Variants in C1orf21 observed in about 807,000 individuals in gnomAD.
C1orf21 encodes uncharacterized protein C1orf21.
Under a neutral mutation model 18.7 loss-of-function variants are expected in C1orf21, and 3 were observed. The ratio of observed to expected loss-of-function variants is 0.16; its 90% confidence interval spans 0.07 to 0.42. The LOEUF is 0.42. C1orf21 is among the 10% of genes least tolerant of loss of function. The pLI, the probability that C1orf21 is intolerant of heterozygous loss-of-function variation, is 0.99. For synonymous variants in C1orf21, 41 were observed against 46.4 expected (o/e 0.88, Z 0.47); for missense variants, 104 against 143.6 (o/e 0.72, Z 1.41).
chr1:184,598,108 T>C (rs560242316), intron 4 of C1orf21, among the ~76,000 whole-genome samples: 1 of 152,252 alleles, frequency 6.6e-6, no homozygotes, highest in African/African-American at 2.4e-5. Flanking sequence ...CACAAATGTG[T>C]ATCTGAAGAA....
intron 3 of C1orf21, among the ~76,000 whole-genome samples, chr1:184,539,601 T>C (rs1658615097): frequency 6.6e-6 from 1 of 152,228 alleles, no homozygotes; most frequent in Non-Finnish European, 1.5e-5. Flanking sequence ...AACTCACCAG[T>C]GAAGCAATCA....
chr1:184,506,371 A>C (rs1340424997), intron 2 of C1orf21, among the ~76,000 whole-genome samples: 1 of 152,220 alleles, frequency 6.6e-6, no homozygotes, highest in East Asian at 1.9e-4. Context: ...TTAAGGGGTG[A>C]TATGATGAGG....
chr1:184,522,186 G>GA (rs1304120304), intron 3 of C1orf21, among the ~76,000 whole-genome samples: 22 of 151,890 alleles, frequency 1.4e-4, no homozygotes, highest in Admixed American at 1.4e-3. Flanking sequence ...TGGAAACATG[G>GA]AAAAATATTA....
At chr1:184,423,859 G>GTCCATCCATCCA (rs3033528) in intron 1 of C1orf21, among the ~76,000 whole-genome samples, 154 of 147,070 alleles carry the variant, frequency 1.0e-3, no homozygotes, top group African/African-American at 2.6e-3. Flanking sequence ...TCCACCCATC[G>GTCCATCCATCCA]TCCATCCATC....
At chr1:184,474,088 C>T (rs1657535040) in intron 1 of C1orf21, among the ~76,000 whole-genome samples, 1 of 152,162 alleles carries the variant, frequency 6.6e-6, no homozygotes, top group Admixed American at 6.5e-5. Flanking sequence ...TCTTTTGCCC[C>T]TCAAATGACT....
At chr1:184,479,615 T>C (rs1657623664) in intron 2 of C1orf21, among the ~76,000 whole-genome samples, 1 of 127,186 alleles carries the variant, frequency 7.9e-6, no homozygotes, top group Admixed American at 7.9e-5. Context: ...CCATAGGTCT[T>C]TTTTTTTTTT....
At chr1:184,580,083 T>G (rs1381421583) in intron 3 of C1orf21, among the ~76,000 whole-genome samples, 1 of 152,130 alleles carries the variant, frequency 6.6e-6, no homozygotes, top group Admixed American at 6.5e-5. Context: ...GGTGTTATCA[T>G]TCTTTGGCCC....
chr1:184,499,161 C>T (rs185718109), intron 2 of C1orf21, among the ~76,000 whole-genome samples: 3 of 152,220 alleles, frequency 2.0e-5, no homozygotes, highest in Non-Finnish European at 1.5e-5. Context: ...TCCTCCTCCT[C>T]CTCTTCCCCT....
intron 5 of C1orf21, among the ~76,000 whole-genome samples, chr1:184,607,167 T>C (rs941339811): frequency 2.0e-5 from 3 of 152,188 alleles, no homozygotes; most frequent in Non-Finnish European, 4.4e-5. Flanking sequence ...TACCAAAAAA[T>C]TGTAAGCTCA....
chr1:184,449,565 A>C (rs1239625852), intron 1 of C1orf21, among the ~76,000 whole-genome samples: 1 of 152,176 alleles, frequency 6.6e-6, no homozygotes, highest in Non-Finnish European at 1.5e-5. Context: ...GTATATACCC[A>C]GTAATGGGAT....
chr1:184,452,677 A>G (rs1016108579), intron 1 of C1orf21, among the ~76,000 whole-genome samples: 1 of 152,230 alleles, frequency 6.6e-6, no homozygotes, highest in African/African-American at 2.4e-5. Flanking sequence ...TTATAGATAA[A>G]TAATACAAAG....
At chr1:184,416,212 A>G (rs1473158184) in intron 1 of C1orf21, among the ~76,000 whole-genome samples, 1 of 152,148 alleles carries the variant, frequency 6.6e-6, no homozygotes, top group African/African-American at 2.4e-5. Flanking sequence ...TTCTAAAGCT[A>G]TTTTATTCTA....
chr1:184,392,843 T>C (rs1033552394), intron 1 of C1orf21, among the ~76,000 whole-genome samples: 1 of 93,272 alleles, frequency 1.1e-5, no homozygotes, highest in Non-Finnish European at 2.4e-5. Flanking sequence ...TTTTTTTTTT[T>C]CTTGAGACAG....
rs1657156122 is a variant in C1orf21 at position 184,453,691 on chromosome 1, C to T, written c.-124-23695C>T. Among the ~76,000 whole-genome samples, 5 of 152,104 alleles carry T rather than the reference C, an allele frequency of 3.3e-5. No homozygotes were observed. In the South Asian group the frequency reaches 1.0e-3, roughly 32 times the overall value. On this transcript the variant is annotated intron_variant, in intron 1 of 5. Coordinates refer to ENST00000235307, the MANE Select transcript of C1orf21 (RefSeq NM_030806.4). Reference sequence around the variant, plus strand: ...TTATTAGGTTATTTGTTTATAGCTGCTGTGTTTGACTTGTTCTTCAAGAAA... The same window carrying T: ...TTATTAGGTTATTTGTTTATAGCTGTTGTGTTTGACTTGTTCTTCAAGAAA...
chr1:184,388,300 G>T (rs1655918887), intron 1 of C1orf21, among the ~76,000 whole-genome samples: 1 of 152,162 alleles, frequency 6.6e-6, no homozygotes, highest in Non-Finnish European at 1.5e-5. Flanking sequence ...AGAGTTGCAT[G>T]GCCAAAGATA....
chr1:184,415,184 GGT>G (rs1328741880), intron 1 of C1orf21, among the ~76,000 whole-genome samples: 2 of 152,200 alleles, frequency 1.3e-5, no homozygotes, highest in African/African-American at 4.8e-5. Flanking sequence ...GATGGGCATA[GGT>G]AGCCCAAGTT....
At chr1:184,474,750 G>A (rs1436003036) in intron 1 of C1orf21, among the ~76,000 whole-genome samples, 1 of 152,200 alleles carries the variant, frequency 6.6e-6, no homozygotes, top group Non-Finnish European at 1.5e-5. Flanking sequence ...TTATTCTGAA[G>A]AGGTGGCAGG....
chr1:184,484,590 A>ATTGTTCAGGAATCAGGTTGGGCAC (rs1657705572), intron 2 of C1orf21, among the ~76,000 whole-genome samples: 3 of 152,214 alleles, frequency 2.0e-5, no homozygotes, highest in Non-Finnish European at 4.4e-5. Flanking sequence ...AGGCAGAGAG[A>ATTGTTCAGGAATCAGGTTGGGCAC]TTGTTCAGGA....
intron 3 of C1orf21, among the ~76,000 whole-genome samples, chr1:184,513,504 T>C (rs1658181804): frequency 6.6e-6 from 1 of 152,244 alleles, no homozygotes; most frequent in Non-Finnish European, 1.5e-5. Flanking sequence ...ACGTTCCGTA[T>C]CACTAGAACA....
Sources: gnomAD v4.1 joint callset for allele counts (sites outside exome capture counted in the v4.1 genomes callset) on GRCh38, gnomAD v4.1.1 for gene constraint, MANE v1.5 for transcripts, NCBI Gene and HGNC (gene_info 2026-07-23, HGNC 2026-07-21) for gene names.